The following GATB variants were observed in gnomAD, a reference collection of about 807,000 sequenced individuals.
GATB encodes the protein glutamyl-tRNA amidotransferase subunit B.
A neutral mutation model predicts 62.3 loss-of-function variants in GATB; 39 were observed. That is an observed-to-expected ratio of 0.63 (90% CI 0.48 to 0.82). The LOEUF is 0.82. GATB is among the 40% of genes least tolerant of loss of function. The pLI is 0.00. For synonymous variants in GATB, 276 were observed against 258.9 expected (o/e 1.07, Z -0.63); for missense variants, 670 against 684.0 (o/e 0.98, Z 0.23).
intron 2 of GATB, among the ~76,000 whole-genome samples, chr4:151,736,975 C>A (rs753533010): frequency 1.3e-5 from 2 of 152,168 alleles, no homozygotes; most frequent in Non-Finnish European, 2.9e-5. Flanking sequence ...GTAAATTGCC[C>A]AGTCTCAGGT....
At chr4:151,760,011 A>T (rs1384179406) in intron 1 of GATB, among the ~76,000 whole-genome samples, 1 of 152,208 alleles carries the variant, frequency 6.6e-6, no homozygotes, top group Non-Finnish European at 1.5e-5. Context: ...ATGAGAGAAA[A>T]AATGTACTTT....
In GATB at chr4:151,679,849, C is replaced by A. The variant is rs141826728; in HGVS notation, c.1374G>T (p.Leu458=). 12 of 1,614,076 alleles carry A rather than the reference C, an allele frequency of 7.4e-6. No homozygotes were observed. The highest frequency in any genetic ancestry group is 9.3e-6 in the Non-Finnish European group (11 of 1,180,004). Residue 458 remains leucine, a synonymous_variant, in exon 11 of 13, where the codon CTG becomes CTT. Transcript: ENST00000263985. ...CTGATGAAGAAATTGTTCTGCTGTC[C>A]AGCAGGTCAAGAAGCTCAGCGAGTG... ...PSALAELLDL[L]DSRTISSSAA...
intron 2 of GATB, among the ~76,000 whole-genome samples, chr4:151,737,591 CA>C (rs1303590358): frequency 6.6e-6 from 1 of 152,180 alleles, no homozygotes; most frequent in East Asian, 1.9e-4. Context: ...ATCCCCAAGA[CA>C]GGGGGAAAAT....
At chr4:151,671,340 T>TGAAG (rs1737855612) in intron 12 of GATB, 38 bp from the exon 13 acceptor site, 1 of 1,602,408 alleles carries the variant, frequency 6.2e-7, no homozygotes, top group Non-Finnish European at 8.5e-7. Context: ...GAGGAGAAAA[T>TGAAG]GAAGGGATTC....
At chr4:151,675,845 G>A (rs1737989234) in intron 11 of GATB, 1 of 152,180 alleles carries the variant, frequency 6.6e-6, no homozygotes, top group Non-Finnish European at 1.5e-5. Flanking sequence ...CTGACACATG[G>A]GGCAGAGACT....
At chr4:151,692,653 C>A (rs1738389291) in intron 9 of GATB, among the ~76,000 whole-genome samples, 1 of 152,154 alleles carries the variant, frequency 6.6e-6, no homozygotes, top group African/African-American at 2.4e-5. Flanking sequence ...GCGGCCAGAG[C>A]TCCTCTGCCC....
At chr4:151,734,670 C>T (rs1739334620) in intron 2 of GATB, among the ~76,000 whole-genome samples, 1 of 152,140 alleles carries the variant, frequency 6.6e-6, no homozygotes, top group Non-Finnish European at 1.5e-5. Context: ...ATCACACTAC[C>T]TGATTTTAAA....
At chr4:151,750,907 T>C (rs1382422871) in intron 2 of GATB, among the ~76,000 whole-genome samples, 1 of 151,942 alleles carries the variant, frequency 6.6e-6, no homozygotes, top group Non-Finnish European at 1.5e-5. Flanking sequence ...GTGCTGGGAT[T>C]ACAGGCACGA....
chr4:151,671,329 A>C (rs1400276000), intron 12 of GATB, 27 bp from the exon 13 acceptor site: 4 of 988,016 alleles, frequency 4.0e-6, no homozygotes, highest in South Asian at 2.0e-5. Context: ...TACTTACTTA[A>C]GAGGAGAAAA....
intron 2 of GATB, among the ~76,000 whole-genome samples, chr4:151,746,717 C>G (rs1560865294): frequency 1.3e-5 from 2 of 152,042 alleles, no homozygotes; most frequent in South Asian, 4.1e-4. Flanking sequence ...ATAAAAAGAT[C>G]CTAAAAAACA....
At chr4:151,695,560 C>T (rs1005353868) in intron 9 of GATB, among the ~76,000 whole-genome samples, 4 of 152,044 alleles carry the variant, frequency 2.6e-5, no homozygotes, top group Admixed American at 6.6e-5. Flanking sequence ...TGGCTTCCTC[C>T]GCTGAACTCT....
Position 151,760,958 on chromosome 4 carries a change from C to A in GATB, c.25G>T (p.Gly9Cys), listed in dbSNP as rs148032516. Residue 9 changes from glycine (G) to cysteine (C), a missense_variant, in exon 1 of 13, where the codon GGC becomes TGC. Coordinates refer to ENST00000263985, the MANE Select transcript of GATB (RefSeq NM_004564.3). ...AAAGCCCAACGTCTTCCACGGCAGC[C>A]CCAGCGCAGCATGGGCGCCGCCATT... MAAPMLRW[G>C]CRGRRWAFAR... 291 of 1,612,528 alleles carry A rather than the reference C, an allele frequency of 1.8e-4. No homozygotes were observed. Among genetic ancestry groups the A allele is most frequent in the Non-Finnish European group, 2.1e-4 (253 of 1,179,584 alleles).
At chr4:151,685,009 G>C (rs1227710069) in intron 10 of GATB, among the ~76,000 whole-genome samples, 3 of 152,134 alleles carry the variant, frequency 2.0e-5, no homozygotes, top group African/African-American at 7.2e-5. Flanking sequence ...TGCCATCTGA[G>C]GCAAGTCACC....
At chr4:151,685,351 T>C (rs2126958860) in intron 10 of GATB, among the ~76,000 whole-genome samples, 1 of 152,306 alleles carries the variant, frequency 6.6e-6, no homozygotes, top group East Asian at 1.9e-4. Context: ...TGACAGCACC[T>C]GTGGGGTAGA....
rs539576065 is a variant in GATB, at chr4:151,679,974, T to C, written c.1332-83A>G. ...AATGGCTGTTCGGAATCAGAACACTTGCTCTAGTGGGGGTAAATATCGGAC... is the reference window on the plus strand; with the variant it reads ...AATGGCTGTTCGGAATCAGAACACTCGCTCTAGTGGGGGTAAATATCGGAC... On this transcript the variant is annotated intron_variant, in intron 10 of 12. Coordinates refer to ENST00000263985, the MANE Select transcript of GATB (RefSeq NM_004564.3). 13 of 1,238,580 alleles carry C rather than the reference T, an allele frequency of 1.0e-5. No homozygotes were observed. In the Admixed American group the frequency reaches 2.2e-4, roughly 21 times the overall value. 76.7% of individuals were successfully genotyped at this position (1,238,580 alleles called of 1,614,324 possible).
intron 5 of GATB, among the ~76,000 whole-genome samples, chr4:151,711,572 G>C (rs564745840): frequency 1.3e-5 from 2 of 152,166 alleles, no homozygotes; most frequent in African/African-American, 4.8e-5. Context: ...CATTCTTCAG[G>C]TTTTAAATAC....
In GATB at chr4:151,703,861, GT is replaced by G; in HGVS notation, c.996del (p.Lys332AsnfsTer32). 1 of 1,603,636 alleles carries G rather than the reference GT, an allele frequency of 6.2e-7. No individual in the cohort carries two copies. The highest frequency in any genetic ancestry group is 1.1e-5 in the South Asian group (1 of 90,840). Reference sequence around the variant, plus strand: ...ATAAGGAGTAACCACCTGTAGTCCTGTTTTCCTTCTTTGTCTCTCATTGACA... The same window carrying G: ...ATAAGGAGTAACCACCTGTAGTCCTGTTTCCTTCTTTGTCTCTCATTGACA... ...CTMSMRDKEG[K>X]QDYRFMPEPN... On this transcript the variant is annotated frameshift_variant, in exon 8 of 13. Coordinates refer to ENST00000263985, the MANE Select transcript of GATB (RefSeq NM_004564.3). LOFTEE classifies it high-confidence loss of function.
Position 151,730,327 on chromosome 4 carries a change from T to G in GATB, c.328-10789A>C, listed in dbSNP as rs1025034182. On this transcript the variant is annotated intron_variant, in intron 2 of 12. Transcript: ENST00000263985. This position sits in a 1 kb window ranked among gnomAD's most constrained non-coding sequence, Gnocchi z 4.1. ...GCCTAGCCCTGCTGCCACCTGATGG[T>G]CCTTCCCTACTCAACCTGGTAACAG... Among the ~76,000 whole-genome samples, 3 of 152,126 alleles carry G rather than the reference T, an allele frequency of 2.0e-5. No individual in the cohort carries two copies. Among genetic ancestry groups the G allele is most frequent in the African/African-American group, 7.2e-5 (3 of 41,434 alleles).
intron 2 of GATB, among the ~76,000 whole-genome samples, chr4:151,728,955 C>G (rs954844003): frequency 6.6e-6 from 1 of 152,116 alleles, no homozygotes; most frequent in East Asian, 1.9e-4. Context: ...CCTAGAGATA[C>G]GTGCCATTTT....
Sources: gnomAD v4.1 joint callset for allele counts (sites outside exome capture counted in the v4.1 genomes callset) on GRCh38, gnomAD v4.1.1 for gene constraint, Gnocchi (gnomAD v3.1) non-coding constraint, MANE v1.5 for transcripts, NCBI Gene and HGNC (gene_info 2026-07-23, HGNC 2026-07-21) for gene names.